The following NTF4 variants were observed in gnomAD, a reference collection of about 807,000 sequenced individuals.
The protein encoded by NTF4 is neurotrophin 4, also known as neurotrophin-4.
Under a neutral mutation model 4.4 loss-of-function variants are expected in NTF4, and 2 were observed. The ratio of observed to expected loss-of-function variants is 0.46; its 90% CI spans 0.19 to 1.44. The LOEUF (loss-of-function observed/expected upper bound fraction) is 1.44. Ranked by LOEUF, NTF4 falls within the 40% of genes most tolerant of loss-of-function variation. NTF4 has a pLI of 0.26. For missense variants in NTF4, 260 were observed against 293.0 expected (o/e 0.89, Z 0.82); for synonymous variants, 127 against 122.0 (o/e 1.04, Z -0.27).
chr19:49,060,035 T>TCAAAAA (rs1211548047), downstream of NTF4, among the ~76,000 whole-genome samples: 43 of 14,124 alleles, frequency 3.0e-3, no homozygotes, highest in African/African-American at 0.017. Flanking sequence ...AGACTCCATC[T>TCAAAAA]CAAAAAAAAA....
rs371861346 is a variant in NTF4 at position 49,061,378 on chromosome 19, G to A, written c.620C>T (p.Thr207Ile). The A allele has an allele frequency of 5.0e-5, 80 of 1,612,322 alleles. No individual in the cohort carries two copies. The highest frequency in any genetic ancestry group is 6.4e-5 in the Non-Finnish European group (76 of 1,180,046). ...TGGGCATGGGTCTCAGGCCCGGCCA[G>A]TCCGGCTGAGGAGTGTGCAGACGCA... The change falls in exon 1 of 1, where the codon ACT becomes ATT. Residue 207 changes from threonine (T) to isoleucine (I), a missense_variant. Coordinates refer to ENST00000593537, the Ensembl canonical transcript of NTF4. The surrounding 1 kb of genome is among the most constrained non-coding windows in gnomAD (Gnocchi z 4.9).
At position 49,061,680 on chromosome 19, in the gene NTF4, G is replaced by A; in HGVS notation, c.318C>T (p.Asp106=). The A allele has an allele frequency of 6.2e-7, 1 of 1,613,202 alleles. No individual in the cohort carries two copies. The highest frequency in any genetic ancestry group is 8.5e-7 in the Non-Finnish European group (1 of 1,179,812). The change falls in exon 1 of 1, where the codon GAC becomes GAT. Residue 106 remains aspartate (D), a synonymous_variant. Coordinates refer to ENST00000593537, the Ensembl canonical transcript of NTF4. The surrounding 1 kb of genome is among the most constrained non-coding windows in gnomAD (Gnocchi z 4.9). ...CACGCAAGTCCACAGCGGTCCGGCG[G>A]TCTGTCACCCAGCCACTGACTGCAT...
upstream of NTF4, among the ~76,000 whole-genome samples, chr19:49,062,467 G>A (rs1177378871): frequency 1.3e-5 from 2 of 151,828 alleles, no homozygotes; most frequent in African/African-American, 2.4e-5. Context: ...CCACCTGGGC[G>A]ACAAGAGTGA....
downstream of NTF4, among the ~76,000 whole-genome samples, chr19:49,059,769 C>T (rs146290564): frequency 2.0e-3 from 298 of 152,138 alleles, 1 homozygote; most frequent in African/African-American, 6.6e-3. Context: ...TTTTGATCAC[C>T]GGGCGCAGTG....
At chr19:49,064,439 C>A, upstream of NTF4, 1 of 160,508 alleles carries the variant, frequency 6.2e-6, no homozygotes, top group South Asian at 1.7e-4. Context: ...GCGCCCTCCT[C>A]CCTCAGACCC....
upstream of NTF4, among the ~76,000 whole-genome samples, chr19:49,062,899 C>A (rs529537468): frequency 2.6e-5 from 4 of 152,310 alleles, no homozygotes; most frequent in East Asian, 7.7e-4. Context: ...CCCGGTCACA[C>A]AGCCAGCAAA....
chr19:49,062,422 A>C (rs942122793), upstream of NTF4, among the ~76,000 whole-genome samples: 1 of 152,206 alleles, frequency 6.6e-6, no homozygotes, highest in East Asian at 1.9e-4. Flanking sequence ...CAGGAGGCCG[A>C]GGTTGCAGTG....
chr19:49,061,099 G>A lies in NTF4; in HGVS notation c.*266C>T. The A allele has an allele frequency of 1.8e-6, 1 of 569,522 alleles. No individual in the cohort carries two copies. 35.3% of individuals were successfully genotyped at this position (569,522 alleles called of 1,614,324 possible). ...AGTTGATCTGAGGAGTTATGTATTAGGGATAAGAAACAGTAAACACTCAGT... is the reference window on the plus strand; with the variant it reads ...AGTTGATCTGAGGAGTTATGTATTAAGGATAAGAAACAGTAAACACTCAGT... On this transcript the variant is annotated 3_prime_UTR_variant, in exon 1 of 1. Coordinates refer to ENST00000593537, the Ensembl canonical transcript of NTF4. The surrounding 1 kb of genome is among the most constrained non-coding windows in gnomAD (Gnocchi z 4.9).
chr19:49,059,605 A>G (rs749567866), downstream of NTF4, among the ~76,000 whole-genome samples: 2 of 152,196 alleles, frequency 1.3e-5, no homozygotes, highest in South Asian at 4.1e-4. Flanking sequence ...TGGTCTGTAT[A>G]GATGCGGGGA....
At chr19:49,062,073 G>A (rs147759837), upstream of NTF4, 1,748 of 1,420,412 alleles carry the variant, frequency 1.2e-3, 20 homozygotes, top group African/African-American at 0.023. Context: ...GGGGAAAGAA[G>A]TTGGGAACCC....
At chr19:49,060,041 A>AC (rs1157730858), downstream of NTF4, among the ~76,000 whole-genome samples, 13 of 121,544 alleles carry the variant, frequency 1.1e-4, no homozygotes, top group African/African-American at 3.8e-4. Context: ...CATCTCAAAA[A>AC]AAAAAAAAAA....
upstream of NTF4, among the ~76,000 whole-genome samples, chr19:49,062,800 TAATAA>T (rs543924067): frequency 9.9e-5 from 15 of 151,988 alleles, no homozygotes; most frequent in South Asian, 2.9e-3. Flanking sequence ...ACAATAATAA[TAATAA>T]AATAAAAATA....
chr19:49,058,408 C>T, downstream of NTF4: 1 of 791,448 alleles, frequency 1.3e-6, no homozygotes, highest in Non-Finnish European at 1.9e-6. Flanking sequence ...CCCCCCACCC[C>T]AAACTCTGAC....
At chr19:49,059,449 G>A (rs546889371), downstream of NTF4, among the ~76,000 whole-genome samples, 2 of 152,184 alleles carry the variant, frequency 1.3e-5, no homozygotes, top group Non-Finnish European at 1.5e-5. Flanking sequence ...GACCACGATG[G>A]AAAGGGAGCT....
chr19:49,061,155 CATT>C lies in NTF4; in HGVS notation c.*207_*209del. ...GTGGCTATTATTATTATATCATCATCATTATTACCCTCAAGTTGCTCCAGGAGA... is the reference window on the plus strand; with the variant it reads ...GTGGCTATTATTATTATATCATCATCATTACCCTCAAGTTGCTCCAGGAGA... On this transcript the variant is annotated 3_prime_UTR_variant, in exon 1 of 1. Transcript: ENST00000593537. This position sits in a 1 kb window ranked among gnomAD's most constrained non-coding sequence, Gnocchi z 4.9. 1 of 793,632 alleles carries C rather than the reference CATT, an allele frequency of 1.3e-6. No homozygotes were observed. The highest frequency in any genetic ancestry group is 2.7e-5 in the East Asian group (1 of 36,768). The allele number at this position is 793,632 out of a possible 1,614,324, so 49.2% of individuals were successfully genotyped here.
downstream of NTF4, chr19:49,060,525 G>A (rs1397794182): frequency 6.6e-6 from 1 of 152,110 alleles, no homozygotes; most frequent in East Asian, 1.9e-4. Flanking sequence ...TAGTAGAGTC[G>A]GGTTTTCACC....
At position 49,061,254 on chromosome 19, in the gene NTF4, A is replaced by G. The variant is rs2040128025; in HGVS notation, c.*111T>C. On this transcript the variant is annotated 3_prime_UTR_variant, in exon 1 of 1. Coordinates refer to ENST00000593537, the Ensembl canonical transcript of NTF4. This position sits in a 1 kb window ranked among gnomAD's most constrained non-coding sequence, Gnocchi z 4.9. ...CAGAGATTGAGCTCAAAATCAGAGA[A>G]TTGTGATTTTGTGATTATTTGATGA... The G allele has an allele frequency of 1.9e-6, 3 of 1,543,630 alleles. No individual in the cohort carries two copies. Among genetic ancestry groups the G allele is most frequent in the East Asian group, 2.4e-5 (1 of 41,874 alleles).
chr19:49,061,286 A>C lies in NTF4; in HGVS notation c.*79T>G. On this transcript the variant is annotated 3_prime_UTR_variant, in exon 1 of 1. Transcript: ENST00000593537. The surrounding 1 kb of genome is among the most constrained non-coding windows in gnomAD (Gnocchi z 4.9). ...TTTTGTGATTATTTGATGAGTTCCC[A>C]AACTGGGGTCCTTAGATCAGCTGGG... The C allele has an allele frequency of 6.3e-7, 1 of 1,595,910 alleles. No individual in the cohort carries two copies.
chr19:49,058,718 A>G, downstream of NTF4: 1 of 200,454 alleles, frequency 5.0e-6, no homozygotes, highest in Admixed American at 5.7e-5. Flanking sequence ...GGTTGCAGAG[A>G]TGAAAGACCA....
Sources: gnomAD v4.1 joint callset for allele counts (sites outside exome capture counted in the v4.1 genomes callset) on GRCh38, gnomAD v4.1.1 for gene constraint, Gnocchi (gnomAD v3.1) non-coding constraint, MANE v1.5 for transcripts, NCBI Gene and HGNC (gene_info 2026-07-23, HGNC 2026-07-21) for gene names.